The following SKAP2 variants were observed in gnomAD, a reference collection of about 807,000 sequenced individuals.
SKAP2 encodes src kinase associated phosphoprotein 2, also known as src kinase-associated phosphoprotein 2.
A neutral mutation model predicts 54.9 loss-of-function variants in SKAP2; 28 were observed. That is an observed-to-expected ratio of 0.51 (90% CI 0.38 to 0.70). The LOEUF is 0.70. Among genes scored for constraint, SKAP2 ranks in the 30% least tolerant of loss-of-function variants. The pLI, the probability that SKAP2 is intolerant of heterozygous loss-of-function variation, is 0.00. For synonymous variants in SKAP2, 137 were observed against 134.3 expected (o/e 1.02, Z -0.14); for missense variants, 356 against 424.1 (o/e 0.84, Z 1.41).
At chr7:26,841,884 A>C (rs1784824416) in intron 4 of SKAP2, among the ~76,000 whole-genome samples, 1 of 152,034 alleles carries the variant, frequency 6.6e-6, no homozygotes, top group Non-Finnish European at 1.5e-5. Flanking sequence ...GATTTGACAA[A>C]AGGCCTTTTG....
intron 11 of SKAP2, among the ~76,000 whole-genome samples, chr7:26,674,480 T>A (rs927021225): frequency 1.3e-5 from 2 of 152,224 alleles, no homozygotes; most frequent in African/African-American, 4.8e-5. Context: ...CAAAAGGTTA[T>A]CTTTATAAAT....
chr7:26,822,861 C>A (rs1378646148), intron 4 of SKAP2, among the ~76,000 whole-genome samples: 1 of 149,964 alleles, frequency 6.7e-6, no homozygotes, highest in Admixed American at 6.6e-5. Flanking sequence ...CCAGCCTGGG[C>A]GACACAGCGA....
At chr7:26,791,089 T>C (rs1783665599) in intron 4 of SKAP2, among the ~76,000 whole-genome samples, 1 of 152,158 alleles carries the variant, frequency 6.6e-6, no homozygotes. Context: ...GTAAATTCAA[T>C]ACATTTCTTA....
At chr7:26,736,690 C>A (rs1468878733) in intron 6 of SKAP2, among the ~76,000 whole-genome samples, 1 of 152,176 alleles carries the variant, frequency 6.6e-6, no homozygotes, top group Non-Finnish European at 1.5e-5. Context: ...CTCCTGGGGT[C>A]TGGATCAAGA....
At chr7:26,779,436 A>T (rs939507301) in intron 4 of SKAP2, among the ~76,000 whole-genome samples, 4 of 152,044 alleles carry the variant, frequency 2.6e-5, no homozygotes, top group Non-Finnish European at 5.9e-5. Flanking sequence ...ATACTCAATG[A>T]AATTTAATAA....
At chr7:26,822,926 TGAAA>T (rs1279411243) in intron 4 of SKAP2, among the ~76,000 whole-genome samples, 1 of 149,066 alleles carries the variant, frequency 6.7e-6, no homozygotes, top group Non-Finnish European at 1.5e-5. Context: ...AGTGTTCAAG[TGAAA>T]GAAAGAGTTC....
At chr7:26,792,389 G>A (rs1783689137) in intron 4 of SKAP2, among the ~76,000 whole-genome samples, 1 of 152,174 alleles carries the variant, frequency 6.6e-6, no homozygotes, top group Non-Finnish European at 1.5e-5. Context: ...AAAAAGGACA[G>A]TGAGAAAAGA....
At chr7:26,821,795 C>A (rs1468944370) in intron 4 of SKAP2, among the ~76,000 whole-genome samples, 2 of 152,132 alleles carry the variant, frequency 1.3e-5, no homozygotes, top group African/African-American at 4.8e-5. Flanking sequence ...TGGCTATTTA[C>A]TCCCCTTTGT....
chr7:26,821,412 T>C (rs3801823), intron 4 of SKAP2, among the ~76,000 whole-genome samples: 32,220 of 152,144 alleles, frequency 0.21, 3,498 homozygotes, highest in Non-Finnish European at 0.24. Context: ...TTCTGTAAAA[T>C]AGAATCACAG....
At chr7:26,733,429 G>A (rs925046881) in intron 6 of SKAP2, among the ~76,000 whole-genome samples, 1 of 151,460 alleles carries the variant, frequency 6.6e-6, no homozygotes, top group Admixed American at 6.6e-5. Flanking sequence ...GAAGAAAAAA[G>A]GTAAGCTTTT....
At chr7:26,736,962 T>C (rs910829382) in intron 6 of SKAP2, among the ~76,000 whole-genome samples, 6 of 152,156 alleles carry the variant, frequency 3.9e-5, no homozygotes, top group Non-Finnish European at 7.4e-5. Context: ...AATGTTTTCA[T>C]TGAATATATT....
chr7:26,675,462 C>T lies in SKAP2; in HGVS notation c.988-5270G>A, dbSNP rs187610248. ...AGCATTTATTCCTCAGTAGATTTTA[C>T]GTACATTAGTTTTATTCCTTCAACT... On this transcript the variant is annotated intron_variant, in intron 11 of 12. Transcript: ENST00000345317. Among the ~76,000 whole-genome samples, 9 of 152,268 alleles carry T rather than the reference C, an allele frequency of 5.9e-5. No homozygotes were observed. The East Asian group carries it at 1.2e-3, about 20-fold the overall frequency.
At chr7:26,760,161 G>A (rs1782893767) in intron 4 of SKAP2, among the ~76,000 whole-genome samples, 1 of 152,170 alleles carries the variant, frequency 6.6e-6, no homozygotes, top group Middle Eastern at 3.4e-3. Context: ...TTCCTTAACA[G>A]AGTTATTTCA....
At chr7:26,660,336 G>A in the SKAP2 span, among the ~76,000 whole-genome samples, 1 of 152,022 alleles carries the variant, frequency 6.6e-6, no homozygotes, top group Non-Finnish European at 1.5e-5. Context: ...TGTGAAATGA[G>A]AATAATCTTC....
chr7:26,667,342 T>G lies in SKAP2; in HGVS notation c.*2324A>C, dbSNP rs1786122174. ...TAAATTTATATTAATGATATTATTA[T>G]GATCTTGAAGAGTATGTGATATATT... is the stretch of plus-strand genomic sequence containing the variant. On this transcript the variant is annotated 3_prime_UTR_variant, in exon 13 of 13. Transcript: ENST00000345317. 1 of 152,202 alleles carries G rather than the reference T, an allele frequency of 6.6e-6. No individual in the cohort carries two copies. Among genetic ancestry groups the G allele is most frequent in the African/African-American group, 2.4e-5 (1 of 41,458 alleles). The allele number at this position is 152,202 out of a possible 1,614,324, so 9.4% of individuals were successfully genotyped here. A position where few individuals can be genotyped will look rare whatever the true frequency, so the allele number is the denominator to read the frequency against.
At chr7:26,799,643 C>T (rs530272010) in intron 4 of SKAP2, among the ~76,000 whole-genome samples, 2 of 152,302 alleles carry the variant, frequency 1.3e-5, no homozygotes, top group South Asian at 4.1e-4. Context: ...TTCAGCATCA[C>T]TCACATCTTC....
chr7:26,665,094 C>T (rs1027198467), downstream of SKAP2, among the ~76,000 whole-genome samples: 1 of 152,162 alleles, frequency 6.6e-6, no homozygotes, highest in Non-Finnish European at 1.5e-5. Flanking sequence ...CTTACTTGCA[C>T]AAATTTTTGA....
intron 9 of SKAP2, among the ~76,000 whole-genome samples, chr7:26,717,348 A>G (rs955710708): frequency 6.6e-6 from 1 of 151,692 alleles, no homozygotes; most frequent in Non-Finnish European, 1.5e-5. Context: ...CGTCTCTACA[A>G]AAAAATTAAA....
chr7:26,844,185 A>G (rs919730334), intron 3 of SKAP2, 48 bp from the exon 4 acceptor site: 2 of 1,084,432 alleles, frequency 1.8e-6, no homozygotes, highest in Non-Finnish European at 2.8e-6. Flanking sequence ...TACTTTAGCC[A>G]TTTAAAGTAA....
Sources: gnomAD v4.1 joint callset for allele counts (sites outside exome capture counted in the v4.1 genomes callset) on GRCh38, gnomAD v4.1.1 for gene constraint, MANE v1.5 for transcripts, NCBI Gene and HGNC (gene_info 2026-07-23, HGNC 2026-07-21) for gene names.